Variants in CCNB3 observed in about 807,000 individuals in gnomAD.
CCNB3 encodes cyclin B3, also known as G2/mitotic-specific cyclin-B3.
CCNB3 carries 12 observed loss-of-function variants against 68.0 expected under a neutral mutation model. The observed-to-expected ratio is 0.18, with a 90% confidence interval of 0.11 to 0.29. The LOEUF is 0.29. Ranked by LOEUF, CCNB3 falls within the 10% of genes least tolerant of loss-of-function variation. The pLI is 1.00. For synonymous variants in CCNB3, 354 were observed against 388.9 expected, an observed-to-expected ratio of 0.91 and a Z score of 1.06; for missense variants, 904 against 993.1, an observed-to-expected ratio of 0.91 and a Z score of 1.21.
intron 1 of CCNB3, among the ~76,000 whole-genome samples, chrX:50,282,534 A>G (rs1412993599): frequency 9.0e-6 from 1 of 111,507 alleles, no homozygotes; most frequent in Non-Finnish European, 1.9e-5. Context: ...TGAAAAGGGG[A>G]AAGGATTCTA....
At chrX:50,328,388 T>A (rs1922401101) in intron 8 of CCNB3, among the ~76,000 whole-genome samples, 1 of 112,094 alleles carries the variant, frequency 8.9e-6, no homozygotes, top group African/African-American at 3.2e-5. Context: ...TTTTTACTCA[T>A]TGCAGAAGGT....
chrX:50,279,475 T>C (rs1439064327), intron 1 of CCNB3, among the ~76,000 whole-genome samples: 1 of 81,160 alleles, frequency 1.2e-5, no homozygotes, highest in Admixed American at 1.8e-4. Flanking sequence ...TATATAAATA[T>C]ATGAAATATT....
chrX:50,227,979 A>T (rs1431545209), intron 1 of CCNB3, among the ~76,000 whole-genome samples: 1 of 86,676 alleles, frequency 1.2e-5, no homozygotes, highest in Non-Finnish European at 2.1e-5. Context: ...ATATAGAGAG[A>T]ATATATATAA....
chrX:50,216,123 A>G (rs1329072738), intron 1 of CCNB3, among the ~76,000 whole-genome samples: 2 of 106,572 alleles, frequency 1.9e-5, no homozygotes, highest in African/African-American at 6.9e-5. Context: ...TAATTTTTGT[A>G]TTTTTAGTAG....
At chrX:50,340,740 G>A (rs1221383587) in intron 8 of CCNB3, among the ~76,000 whole-genome samples, 1 of 111,730 alleles carries the variant, frequency 9.0e-6, no homozygotes, top group Non-Finnish European at 1.9e-5. Flanking sequence ...GGTACTGCAG[G>A]GGCCAGCACA....
intron 8 of CCNB3, among the ~76,000 whole-genome samples, chrX:50,333,329 A>G (rs113000276): frequency 1.4e-3 from 155 of 111,687 alleles, no homozygotes; most frequent in African/African-American, 4.8e-3. Context: ...GAGTAAGTAC[A>G]CACACGAACC....
intron 8 of CCNB3, among the ~76,000 whole-genome samples, chrX:50,335,069 C>G (rs1481828389): frequency 8.9e-6 from 1 of 112,040 alleles, no homozygotes; most frequent in African/African-American, 3.2e-5. Flanking sequence ...GTGCACCCGA[C>G]TGCTGTGGAG....
chrX:50,313,968 C>T lies in CCNB3; in HGVS notation c.3516+20C>T. On this transcript the variant is annotated intron_variant, in intron 8 of 12. Coordinates refer to ENST00000376042, the MANE Select transcript of CCNB3 (RefSeq NM_033031.3). The stretch of plus-strand genomic sequence containing the variant: ...GTGCAGGTAAGCCTGACAACTCCTG[C>T]CTTAAGGAGCTGCTGTTCTCTTTCT... The T allele has an allele frequency of 9.0e-7, 1 of 1,106,108 alleles. No homozygotes were observed. The highest frequency in any genetic ancestry group is 1.9e-5 in the South Asian group (1 of 52,916). 91.2% of individuals were successfully genotyped at this position (1,106,108 alleles called of 1,213,427 possible).
chrX:50,323,296 G>A (rs1172273227), intron 8 of CCNB3, among the ~76,000 whole-genome samples: 6 of 110,027 alleles, frequency 5.5e-5, no homozygotes, highest in African/African-American at 2.0e-4. Flanking sequence ...GGAAACCATC[G>A]TTCTCAGCAA....
rs1464717522 is a variant in CCNB3 at position 50,226,833 on chromosome X, T to TATATATAGAATATATATAGA, written c.-113+21891_-113+21892insAATATATATAGAATATATAG. Among the ~76,000 whole-genome samples the TATATATAGAATATATATAGA allele has an allele frequency of 5.1e-3, 364 of 71,036 alleles. 20 individuals are homozygous for TATATATAGAATATATATAGA. Among genetic ancestry groups the TATATATAGAATATATATAGA allele is most frequent in the African/African-American group, 0.023 (349 of 15,322 alleles). The allele number at this position is 71,036 out of a possible 115,157, so 61.7% of individuals were successfully genotyped here. ...GAGTATATATAAATATATACATGAA[T>TATATATAGAATATATATAGA]ATATATAGTATATATATAGAATATA... On this transcript the variant is annotated intron_variant, in intron 1 of 12. Coordinates refer to ENST00000376042, the MANE Select transcript of CCNB3 (RefSeq NM_033031.3).
chrX:50,211,663 G>C (rs1443296170), intron 1 of CCNB3, among the ~76,000 whole-genome samples: 1 of 111,577 alleles, frequency 9.0e-6, no homozygotes, highest in African/African-American at 3.3e-5. Flanking sequence ...CCTCCTTTGC[G>C]TCTTGCTCTC....
chrX:50,227,669 T>G (rs1277912918), intron 1 of CCNB3, among the ~76,000 whole-genome samples: 490 of 47,039 alleles, frequency 0.01, 1 homozygote, highest in South Asian at 0.024. Flanking sequence ...AAAATATATA[T>G]AGAGAGAATA....
Position 50,311,106 on chromosome X carries a change from C to T in CCNB3, c.2937C>T (p.Ser979=), listed in dbSNP as rs781964378. 1.7e-6 allele frequency: 2 copies of T among 1,210,375 alleles called. No homozygotes were observed. Among genetic ancestry groups the T allele is most frequent in the Non-Finnish European group, 2.2e-6 (2 of 895,223 alleles). Residue 979 remains serine, a synonymous_variant, in exon 6 of 13, where the codon AGC becomes AGT. Coordinates refer to ENST00000376042, the MANE Select transcript of CCNB3 (RefSeq NM_033031.3). ...PQVGTSPNVS[S]TAPESITSKS... is the part of the protein sequence containing the mutation. ...TTGGAACCAGCCCAAATGTGTCTAGCACTGCCCCTGAATCCATAACCAGCA... is the reference window on the plus strand; with the variant it reads ...TTGGAACCAGCCCAAATGTGTCTAGTACTGCCCCTGAATCCATAACCAGCA...
intron 5 of CCNB3, among the ~76,000 whole-genome samples, chrX:50,302,290 C>G (rs781785590): frequency 8.9e-6 from 1 of 111,928 alleles, no homozygotes; most frequent in Non-Finnish European, 1.9e-5. Flanking sequence ...ATCATTCTGA[C>G]TTTAGCAGGG....
intron 1 of CCNB3, among the ~76,000 whole-genome samples, chrX:50,279,108 T>C (rs1366317213): frequency 1.6e-5 from 1 of 61,853 alleles, no homozygotes; most frequent in Non-Finnish European, 2.7e-5. Flanking sequence ...ATATTCCATA[T>C]ATAAATATAT....
intron 1 of CCNB3, among the ~76,000 whole-genome samples, chrX:50,218,605 A>G: frequency 8.9e-6 from 1 of 111,934 alleles, no homozygotes; most frequent in Non-Finnish European, 1.9e-5. Context: ...TGCAAAGGAC[A>G]TGAACTCATC....
At position 50,308,533 on chromosome X, in the gene CCNB3, G is replaced by A. The variant is rs782100838; in HGVS notation, c.364G>A (p.Ala122Thr). ...WHKLEVTPVV[A>T]STTVVPNIME... is the part of the protein sequence containing the mutation. ...TAAGCTGGAAGTCACACCAGTAGTA[G>A]CCTCTACTACCGTGGTACCAAACAT... The change falls in exon 6 of 13, where the codon GCC (alanine) becomes ACC (threonine). Residue 122 changes from alanine to threonine, a missense_variant. Transcript: ENST00000376042. The A allele has an allele frequency of 1.7e-6, 2 of 1,205,429 alleles. No homozygotes were observed. The highest frequency in any genetic ancestry group is 1.8e-5 in the South Asian group (1 of 56,177).
chrX:50,351,091 G>A lies in CCNB3; in HGVS notation c.3961-150G>A. The A allele has an allele frequency of 3.4e-6, 2 of 587,555 alleles. 1 individual carries two copies. 48.4% of individuals were successfully genotyped at this position (587,555 alleles called of 1,213,427 possible). A position where few individuals can be genotyped will look rare whatever the true frequency, so the allele number is the denominator to read the frequency against. On this transcript the variant is annotated intron_variant, in intron 11 of 12. Transcript: ENST00000376042. ...TTCTATATAGCATAGTATAATTATT[G>A]ATCAGCGTCCAGATGGTGTGAGTCT...
intron 4 of CCNB3, among the ~76,000 whole-genome samples, chrX:50,292,140 T>C (rs999287297): frequency 5.4e-5 from 6 of 111,562 alleles, no homozygotes; most frequent in Non-Finnish European, 9.4e-5. Context: ...AATATACTTA[T>C]CAATTTTCTA....
Sources: allele counts gnomAD v4.1 joint callset (sites outside exome capture counted in the v4.1 genomes callset), GRCh38; gene constraint gnomAD v4.1.1; transcripts MANE v1.5; gene names NCBI Gene and HGNC (gene_info 2026-07-23, HGNC 2026-07-21).